ATP9B: variants seen among roughly 807,000 people sequenced by gnomAD.
ATP9B encodes the protein probable phospholipid-transporting ATPase IIB.
ATP9B carries 110 observed loss-of-function variants against 146.1 expected under a neutral mutation model. That is an observed-to-expected ratio of 0.75 (90% confidence interval 0.65 to 0.88). The LOEUF (loss-of-function observed/expected upper bound fraction) is 0.88, where lower values mean the gene tolerates loss of function less well. ATP9B is among the 40% of genes least tolerant of loss of function. ATP9B has a pLI of 0.00. For missense variants in ATP9B, 1,499 were observed against 1,496.4 expected (o/e 1.00, Z -0.03); for synonymous variants, 604 against 569.7 (o/e 1.06, Z -0.86).
In ATP9B at chr18:79,347,793, G is replaced by A. The variant is rs1397049438; in HGVS notation, c.2706G>A (p.Ala902=). ...AGGAGGGTAAACAGGCCTCGCTGGC[G>A]GCCGACTTCTCCATCACGCAGTTCC... is the stretch of plus-strand genomic sequence containing the variant. The part of the protein sequence containing the change: ...EGKEGKQASL[A]ADFSITQFRH... The change falls in exon 24 of 30, where the codon GCG becomes GCA. Residue 902 remains alanine, a synonymous_variant. Transcript: ENST00000426216. 6.3e-7 allele frequency: 1 copy of A among 1,591,938 alleles called. No individual in the cohort carries two copies. The highest frequency in any genetic ancestry group is 8.6e-7 in the Non-Finnish European group (1 of 1,166,606).
In ATP9B at chr18:79,345,476, T is replaced by C; in HGVS notation, c.2521T>C (p.Cys841Arg). ...EHEFVELACQCPAVVCCRCSP... is the reference protein window; with the variant it reads ...EHEFVELACQRPAVVCCRCSP... ...TGAATTTGTGGAGCTGGCCTGCCAG[T>C]GCCCTGCCGTGGTTTGCTGCCGCTG... Residue 841 changes from cysteine (C) to arginine (R), a missense_variant, in exon 22 of 30, where the codon TGC becomes CGC. Cys to Arg is a radical substitution (Grantham distance 180, BLOSUM62 -3). Transcript: ENST00000426216. 1 of 1,613,932 alleles carries C rather than the reference T, an allele frequency of 6.2e-7. No individual in the cohort carries two copies. Among genetic ancestry groups the C allele is most frequent in the Non-Finnish European group, 8.5e-7 (1 of 1,180,040 alleles).
At chr18:79,326,895 T>C (rs1226070668) in intron 15 of ATP9B, among the ~76,000 whole-genome samples, 1 of 152,242 alleles carries the variant, frequency 6.6e-6, no homozygotes, top group East Asian at 1.9e-4. Context: ...GACTGTCCAC[T>C]GTGTGCCCTC....
Position 79,193,177 on chromosome 18 carries a change from T to G in ATP9B, c.874-6T>G. 1 of 1,588,632 alleles carries G rather than the reference T, an allele frequency of 6.3e-7. No homozygotes were observed. The highest frequency in any genetic ancestry group is 8.6e-7 in the Non-Finnish European group (1 of 1,158,826). ...TTCTAATCGATTCAAATGTTCTGTA[T>G]TCCAGGACCTTTTTTCTATCAGTGC... On this transcript the variant is annotated splice_region_variant and splice_polypyrimidine_tract_variant and intron_variant, in intron 8 of 29. Coordinates refer to ENST00000426216, the MANE Select transcript of ATP9B (RefSeq NM_198531.5).
At chr18:79,308,155 A>G (rs1469941011) in intron 15 of ATP9B, among the ~76,000 whole-genome samples, 1 of 152,210 alleles carries the variant, frequency 6.6e-6, no homozygotes, top group African/African-American at 2.4e-5. Flanking sequence ...ACCCACCAGG[A>G]TAACAGGAAT....
At chr18:79,250,633 T>C (rs2096013155) in intron 11 of ATP9B, among the ~76,000 whole-genome samples, 1 of 152,240 alleles carries the variant, frequency 6.6e-6, no homozygotes, top group African/African-American at 2.4e-5. Context: ...TATGTAGTAG[T>C]TGAAGTAGCG....
chr18:79,343,855 C>T (rs1409727968), intron 20 of ATP9B: 2 of 271,286 alleles, frequency 7.4e-6, no homozygotes, highest in African/African-American at 2.3e-5. Flanking sequence ...ATAATCACCT[C>T]GTGGGAATTA....
intron 11 of ATP9B, among the ~76,000 whole-genome samples, chr18:79,227,919 C>G (rs1396005836): frequency 1.3e-5 from 2 of 152,212 alleles, no homozygotes; most frequent in African/African-American, 4.8e-5. Flanking sequence ...TGCCCATTCT[C>G]TAGTTTTTAA....
chr18:79,261,289 G>C (rs1042783339), intron 12 of ATP9B, among the ~76,000 whole-genome samples: 1 of 152,166 alleles, frequency 6.6e-6, no homozygotes, highest in Non-Finnish European at 1.5e-5. Context: ...TGAAATCTGT[G>C]AGTGGGACCT....
intron 11 of ATP9B, among the ~76,000 whole-genome samples, chr18:79,250,922 A>T (rs1468723383): frequency 6.6e-6 from 1 of 152,122 alleles, no homozygotes; most frequent in Non-Finnish European, 1.5e-5. Context: ...CTAGAAGGGG[A>T]TCTGCTGCTG....
intron 26 of ATP9B, chr18:79,360,925 C>T (rs1384845188): frequency 6.6e-6 from 1 of 152,198 alleles, no homozygotes; most frequent in African/African-American, 2.4e-5. Context: ...GATCCAAAAA[C>T]TTCGGGAAGC....
chr18:79,076,868 T>G (rs1162609175), intron 1 of ATP9B, among the ~76,000 whole-genome samples: 2 of 151,998 alleles, frequency 1.3e-5, no homozygotes, highest in African/African-American at 4.8e-5. Context: ...CAGTTTCTGT[T>G]ATTTTCTCTT....
intron 7 of ATP9B, among the ~76,000 whole-genome samples, chr18:79,164,756 A>G (rs961472588): frequency 6.6e-6 from 1 of 152,150 alleles, no homozygotes; most frequent in Non-Finnish European, 1.5e-5. Context: ...AGGTAGTTAC[A>G]TAGATAGGGC....
rs2096777023 is a variant in ATP9B, at chr18:79,329,193, A to G, written c.1826A>G (p.Asp609Gly). 1.2e-6 allele frequency: 2 copies of G among 1,611,866 alleles called. No individual in the cohort carries two copies. The highest frequency in any genetic ancestry group is 1.7e-5 in the Admixed American group (1 of 59,902). Residue 609 changes from aspartate to glycine, a missense_variant, in exon 16 of 30, where the codon GAC becomes GGC. By Grantham distance (94) the Asp-to-Gly change is moderately conservative. Coordinates refer to ENST00000426216, the MANE Select transcript of ATP9B (RefSeq NM_198531.5). ...ESVGLTLVSRDLTSMQLKTPS... is the reference protein window; with the variant it reads ...ESVGLTLVSRGLTSMQLKTPS... ...GTGGGCCTCACGCTGGTCAGCAGGG[A>G]CCTCACCTCCATGCAGCTGAAGACC...
intron 7 of ATP9B, among the ~76,000 whole-genome samples, chr18:79,176,272 C>G (rs916998476): frequency 1.2e-4 from 19 of 152,108 alleles, no homozygotes; most frequent in Admixed American, 1.1e-3. Flanking sequence ...ATAGCACGGC[C>G]AAAGAGTAGT....
At chr18:79,259,923 A>G (rs552272665) in intron 12 of ATP9B, among the ~76,000 whole-genome samples, 6 of 152,280 alleles carry the variant, frequency 3.9e-5, no homozygotes, top group East Asian at 1.9e-4. Flanking sequence ...AGTGTTTTCA[A>G]CTTCTTTAGA....
intron 17 of ATP9B, among the ~76,000 whole-genome samples, chr18:79,332,550 T>TGAG (rs1219952611): frequency 1.3e-5 from 2 of 152,104 alleles, no homozygotes; most frequent in Non-Finnish European, 2.9e-5. Context: ...TTGAGGAGGC[T>TGAG]GAGGAGGAGG....
At position 79,284,486 on chromosome 18, in the gene ATP9B, AAC is replaced by A. The variant is rs1387827092; in HGVS notation, c.1411+7292_1411+7293del. ...GAATATAATATTTGACTTCACTTTA[AAC>A]AGTGTCATTGACTTTGAATATATTT... On this transcript the variant is annotated intron_variant, in intron 13 of 29. Transcript: ENST00000426216. Among the ~76,000 whole-genome samples, 7 of 152,338 alleles carry A rather than the reference AAC, an allele frequency of 4.6e-5. 1 individual carries two copies. Among genetic ancestry groups the A allele is most frequent in the African/African-American group, 1.7e-4 (7 of 41,574 alleles).
chr18:79,149,269 A>G (rs2094644169), intron 6 of ATP9B, among the ~76,000 whole-genome samples: 1 of 152,248 alleles, frequency 6.6e-6, no homozygotes, highest in South Asian at 2.1e-4. Context: ...ATGTGAAGGC[A>G]TATTGCGTAG....
At chr18:79,319,298 A>G (rs948187993) in intron 15 of ATP9B, among the ~76,000 whole-genome samples, 1 of 152,250 alleles carries the variant, frequency 6.6e-6, no homozygotes, top group Non-Finnish European at 1.5e-5. Context: ...ATAAGAAAAT[A>G]AAATGCCCTT....
Sources: allele counts gnomAD v4.1 joint callset (sites outside exome capture counted in the v4.1 genomes callset), GRCh38; gene constraint gnomAD v4.1.1; transcripts MANE v1.5; gene names NCBI Gene and HGNC (gene_info 2026-07-23, HGNC 2026-07-21).